The following FANCA variants were observed in gnomAD, a reference collection of about 807,000 sequenced individuals.
FANCA encodes FA complementation group A, also known as Fanconi anemia group A protein.
Under a neutral mutation model 194.3 loss-of-function variants are expected in FANCA, and 236 were observed. The ratio of observed to expected loss-of-function variants is 1.21; its 90% CI spans 1.09 to 1.35. The LOEUF (loss-of-function observed/expected upper bound fraction) is 1.35, where lower values mean the gene tolerates loss of function less well. Among genes scored for constraint, FANCA ranks in the 40% most tolerant of loss-of-function variants. FANCA has a pLI of 0.00. For synonymous variants in FANCA, 1,014 were observed against 715.8 expected (o/e 1.42, Z -6.65); for missense variants, 2,628 against 1,813.9 (o/e 1.45, Z -8.15).
chr16:89,772,844 G>A lies in FANCA; in HGVS notation c.2014+427C>T, dbSNP rs1408791557. 3.3e-5 allele frequency among the ~76,000 whole-genome samples: 5 copies of A among 151,766 alleles called. No homozygotes were observed. The South Asian group carries it at 1.0e-3, about 32-fold the overall frequency. On this transcript the variant is annotated intron_variant, in intron 22 of 42. Transcript: ENST00000389301. The stretch of plus-strand genomic sequence containing the variant: ...AAAAAAAAAAAAGAAAAAAGAAACT[G>A]CATGTTCTCAATCCACAGATGAACA...
chr16:89,760,443 G>C (rs925203167), intron 29 of FANCA, among the ~76,000 whole-genome samples: 1 of 152,220 alleles, frequency 6.6e-6, no homozygotes, highest in Non-Finnish European at 1.5e-5. Flanking sequence ...CTGATGGCCG[G>C]AAGGACGAGG....
intron 2 of FANCA, 87 bp from the exon 3 acceptor site, chr16:89,814,700 T>C (rs1456981233): frequency 1.1e-6 from 1 of 950,624 alleles, no homozygotes; most frequent in Non-Finnish European, 1.7e-6. Context: ...CCCAGTACTT[T>C]GGGAGGCCGA....
chr16:89,798,992 T>A, intron 10 of FANCA, 174 bp downstream of exon 10: 1 of 1,613,998 alleles, frequency 6.2e-7, no homozygotes, highest in Non-Finnish European at 8.5e-7. Context: ...ACCAGAGCGT[T>A]CCCCGGGCTT....
At chr16:89,759,193 G>A (rs1351563640) in intron 29 of FANCA, among the ~76,000 whole-genome samples, 3 of 151,472 alleles carry the variant, frequency 2.0e-5, no homozygotes, top group Admixed American at 6.6e-5. Flanking sequence ...GGTGGTGGGC[G>A]CCTGTAGTCC....
In FANCA at chr16:89,737,742, A is replaced by G. The variant is rs751394130; in HGVS notation, c.*859T>C. The G allele has an allele frequency of 7.7e-5, 124 of 1,606,374 alleles. No individual in the cohort carries two copies. The highest frequency in any genetic ancestry group is 3.3e-4 in the Middle Eastern group (2 of 6,036). On this transcript the variant is annotated 3_prime_UTR_variant, in exon 43 of 43. Transcript: ENST00000389301. ...CCAGCTGTGATGGTTTCACATTGTC[A>G]TCGTCGTCCCCCCGGGAGGTTGGAG...
intron 14 of FANCA, among the ~76,000 whole-genome samples, chr16:89,785,488 G>A (rs1281613705): frequency 1.3e-5 from 2 of 152,122 alleles, no homozygotes; most frequent in East Asian, 3.9e-4. Flanking sequence ...AGGCCAAGGA[G>A]GGCCACCCCT....
At chr16:89,763,074 C>T (rs1353998718) in intron 28 of FANCA, among the ~76,000 whole-genome samples, 1 of 151,398 alleles carries the variant, frequency 6.6e-6, no homozygotes, top group Non-Finnish European at 1.5e-5. Flanking sequence ...AGTGAAACCC[C>T]ATCTCTACTA....
At position 89,806,894 on chromosome 16, in the gene FANCA, T is replaced by C. The variant is rs576289009; in HGVS notation, c.596+1400A>G. Reference sequence around the variant, plus strand: ...CCTCCCAGACGGGGTGGTGGCCGGGTAGAGGGGCTCCTCACTTCCCAGTAT... The same window carrying C: ...CCTCCCAGACGGGGTGGTGGCCGGGCAGAGGGGCTCCTCACTTCCCAGTAT... On this transcript the variant is annotated intron_variant, in intron 6 of 42. Transcript: ENST00000389301. 2.6e-5 allele frequency among the ~76,000 whole-genome samples: 4 copies of C among 152,084 alleles called. No homozygotes were observed. The South Asian group carries it at 6.2e-4, about 24-fold the overall frequency.
Position 89,740,944 on chromosome 16 carries a change from C to T in FANCA, c.3766-78G>A. 6 of 1,333,468 alleles carry T rather than the reference C, an allele frequency of 4.5e-6. No homozygotes were observed. In the South Asian group the frequency reaches 7.5e-5, roughly 17 times the overall value. The allele number at this position is 1,333,468 out of a possible 1,614,324, so 82.6% of individuals were successfully genotyped here. On this transcript the variant is annotated intron_variant, in intron 37 of 42. Coordinates refer to ENST00000389301, the MANE Select transcript of FANCA (RefSeq NM_000135.4). Reference sequence around the variant, plus strand: ...TTCTAAATAAGGCTGACACATTCCTCTTTAATTGAAATTTTTTACATCTAG... The same window carrying T: ...TTCTAAATAAGGCTGACACATTCCTTTTTAATTGAAATTTTTTACATCTAG...
At chr16:89,787,172 T>C (rs760767856) in intron 14 of FANCA, among the ~76,000 whole-genome samples, 6 of 152,134 alleles carry the variant, frequency 3.9e-5, no homozygotes, top group Non-Finnish European at 7.4e-5. Context: ...CTCAATCCGG[T>C]AATTCCAACA....
chr16:89,788,219 T>C (rs2039959056), intron 14 of FANCA, among the ~76,000 whole-genome samples: 1 of 152,012 alleles, frequency 6.6e-6, no homozygotes, highest in Admixed American at 6.6e-5. Flanking sequence ...TCCCAGCACT[T>C]TGGGAGGCTA....
chr16:89,740,976 A>C (rs2062119215), intron 37 of FANCA, 110 bp from the exon 38 acceptor site: 1 of 984,768 alleles, frequency 1.0e-6, no homozygotes, highest in African/African-American at 1.6e-5. Context: ...CTAGGCCATA[A>C]ATCCTTTAAG....
rs751647003 is a variant in FANCA, at chr16:89,808,409, A to C, written c.523-42T>G. ...AACAAACAAAAACAAAAACAAAAAA[A>C]CCCCCAGCATTCTGAGTCCTTTATG... On this transcript the variant is annotated intron_variant, in intron 5 of 42. Transcript: ENST00000389301. 137 of 1,596,796 alleles carry C rather than the reference A, an allele frequency of 8.6e-5. 1 individual carries two copies. The highest frequency in any genetic ancestry group is 1.7e-4 in the Middle Eastern group (1 of 6,032).
chr16:89,778,322 A>G, intron 20 of FANCA: 1 of 302,778 alleles, frequency 3.3e-6, no homozygotes, highest in South Asian at 2.5e-5. Flanking sequence ...AAAAATTAGC[A>G]GGGCGTGGTG....
At chr16:89,778,315 A>C (rs1400473420) in intron 20 of FANCA, 1 of 309,010 alleles carries the variant, frequency 3.2e-6, no homozygotes, top group Admixed American at 4.8e-5. Flanking sequence ...AAAATACAAA[A>C]ATTAGCAGGG....
intron 10 of FANCA, 180 bp downstream of exon 10, chr16:89,798,986 G>A (rs2040345415): frequency 6.2e-7 from 1 of 1,613,898 alleles, no homozygotes. Context: ...AGGCTGACCA[G>A]AGCGTTCCCC....
At chr16:89,800,225 G>C (rs1015552523) in intron 8 of FANCA, among the ~76,000 whole-genome samples, 4 of 152,192 alleles carry the variant, frequency 2.6e-5, no homozygotes, top group Admixed American at 6.5e-5. Flanking sequence ...GGAAAGCTCA[G>C]GCCTTGAATC....
intron 30 of FANCA, among the ~76,000 whole-genome samples, chr16:89,753,144 C>G (rs1312667798): frequency 3.3e-5 from 5 of 152,220 alleles, no homozygotes; most frequent in Non-Finnish European, 7.3e-5. Flanking sequence ...CTGTCTTTCT[C>G]TCTGTCTCCT....
At chr16:89,792,287 C>G (rs7196411) in intron 12 of FANCA, among the ~76,000 whole-genome samples, 184 bp downstream of exon 12, 2 of 152,146 alleles carry the variant, frequency 1.3e-5, no homozygotes, top group East Asian at 1.9e-4. Context: ...AGGAGGGGCT[C>G]GGCCCAAGGG....
Sources: allele counts gnomAD v4.1 joint callset (sites outside exome capture counted in the v4.1 genomes callset), GRCh38; gene constraint gnomAD v4.1.1; transcripts MANE v1.5; gene names NCBI Gene and HGNC (gene_info 2026-07-23, HGNC 2026-07-21).